MTPN: variants seen among roughly 807,000 people sequenced by gnomAD.
The protein encoded by MTPN is myotrophin.
Under a neutral mutation model 13.5 loss-of-function variants are expected in MTPN, and 2 were observed. The observed-to-expected ratio is 0.15, with a 90% confidence interval of 0.06 to 0.47. The LOEUF is 0.47. MTPN is among the 20% of genes least tolerant of loss of function. The pLI is 0.97. For synonymous variants in MTPN, 46 were observed against 51.7 expected (o/e 0.89, Z 0.48); for missense variants, 79 against 137.9 (o/e 0.57, Z 2.14).
chr7:135,954,679 A>C lies in MTPN; in HGVS notation c.73-3049T>G, dbSNP rs201687301. Reference sequence around the variant, plus strand: ...CCTTCAGGGCTGGGCACGGTGGCTCACGCCTGTAATCCTAGCACTTTGGGA... The same window carrying C: ...CCTTCAGGGCTGGGCACGGTGGCTCCCGCCTGTAATCCTAGCACTTTGGGA... On this transcript the variant is annotated intron_variant, in intron 1 of 3. Transcript: ENST00000393085. Among the ~76,000 whole-genome samples the C allele has an allele frequency of 1.6e-4, 25 of 152,334 alleles. No individual in the cohort carries two copies. The East Asian group carries it at 4.4e-3, about 27-fold the overall frequency.
At chr7:135,958,730 C>G (rs1799480494) in intron 1 of MTPN, among the ~76,000 whole-genome samples, 1 of 152,138 alleles carries the variant, frequency 6.6e-6, no homozygotes, top group South Asian at 2.1e-4. Flanking sequence ...TAATTATTTT[C>G]ATTGATTTGC....
In MTPN at chr7:135,977,205, G is replaced by C. The variant is rs1020170259; in HGVS notation, c.-105C>G. On this transcript the variant is annotated 5_prime_UTR_variant, in exon 1 of 4. Coordinates refer to ENST00000393085, the MANE Select transcript of MTPN (RefSeq NM_145808.4). Reference sequence around the variant, plus strand: ...AGGGAGGCAGGGCCGCGCGAAGCCGGAGAGGAGAAGAAGAGAAGGAGGGTT... The same window carrying C: ...AGGGAGGCAGGGCCGCGCGAAGCCGCAGAGGAGAAGAAGAGAAGGAGGGTT... 1 of 1,166,162 alleles carries C rather than the reference G, an allele frequency of 8.6e-7. No homozygotes were observed. Among genetic ancestry groups the C allele is most frequent in the Non-Finnish European group, 1.3e-6 (1 of 782,802 alleles). The allele number at this position is 1,166,162 out of a possible 1,614,324, so 72.2% of individuals were successfully genotyped here.
At chr7:135,955,532 T>TTCCC (rs1411374833) in intron 1 of MTPN, among the ~76,000 whole-genome samples, 2 of 152,216 alleles carry the variant, frequency 1.3e-5, no homozygotes, top group Non-Finnish European at 2.9e-5. Flanking sequence ...CTACCCACTC[T>TTCCC]TCCCGAAAAT....
intron 3 of MTPN, among the ~76,000 whole-genome samples, chr7:135,938,501 T>C (rs974121498): frequency 6.6e-6 from 1 of 152,226 alleles, no homozygotes; most frequent in Non-Finnish European, 1.5e-5. Flanking sequence ...CAGACACTTA[T>C]CAGGTCAGGA....
intron 3 of MTPN, among the ~76,000 whole-genome samples, chr7:135,935,834 C>T (rs1213489613): frequency 1.3e-5 from 2 of 151,902 alleles, no homozygotes; most frequent in South Asian, 2.1e-4. Context: ...GTTGCTTCTG[C>T]TTGGGATGGT....
At chr7:135,935,332 G>C (rs1398649744) in intron 3 of MTPN, among the ~76,000 whole-genome samples, 9 of 151,740 alleles carry the variant, frequency 5.9e-5, no homozygotes, top group African/African-American at 2.2e-4. Context: ...TCCGCCTCTT[G>C]GGTTCAAGCA....
chr7:135,932,223 T>C (rs936579627), intron 3 of MTPN: 8 of 152,150 alleles, frequency 5.3e-5, no homozygotes, highest in Non-Finnish European at 1.2e-4. Context: ...TGAATCCTGA[T>C]TGAAGAGATC....
chr7:135,968,793 A>G (rs1026871476), intron 1 of MTPN, among the ~76,000 whole-genome samples: 1 of 151,898 alleles, frequency 6.6e-6, no homozygotes, highest in Non-Finnish European at 1.5e-5. Flanking sequence ...GGTTCAAATC[A>G]TCCTAATATT....
Position 135,927,666 on chromosome 7 carries a change from G to A in MTPN, c.*2260C>T, listed in dbSNP as rs1459181533. 1.7e-6 allele frequency: 1 copy of A among 595,882 alleles called. No individual in the cohort carries two copies. The highest frequency in any genetic ancestry group is 3.2e-6 in the Non-Finnish European group (1 of 311,016). The allele number at this position is 595,882 out of a possible 1,614,324, so 36.9% of individuals were successfully genotyped here. On this transcript the variant is annotated 3_prime_UTR_variant, in exon 4 of 4. Coordinates refer to ENST00000393085, the MANE Select transcript of MTPN (RefSeq NM_145808.4). ...AATAACCTAGTTAAAAAAAGAAACT[G>A]TGAACCATCTTGGTCAGTCTATTCT...
chr7:135,941,271 T>C lies in MTPN; in HGVS notation c.270+9328A>G, dbSNP rs528257939. On this transcript the variant is annotated intron_variant, in intron 3 of 3. Coordinates refer to ENST00000393085, the MANE Select transcript of MTPN (RefSeq NM_145808.4). The stretch of plus-strand genomic sequence containing the variant: ...TATGAATACTATTAAACCCACTGAG[T>C]TCAGATGTCAAGTGATTTACTAGCT... Among the ~76,000 whole-genome samples, 3 of 146,088 alleles carry C rather than the reference T, an allele frequency of 2.1e-5. 1 individual carries two copies. Among genetic ancestry groups the C allele is most frequent in the African/African-American group, 7.4e-5 (3 of 40,366 alleles).
chr7:135,960,885 A>G (rs1430119282), intron 1 of MTPN: 2 of 151,970 alleles, frequency 1.3e-5, no homozygotes, highest in East Asian at 1.9e-4. Context: ...AATGGAATCC[A>G]AAAGACATGG....
At chr7:135,944,736 C>T (rs1799264657) in intron 3 of MTPN, among the ~76,000 whole-genome samples, 2 of 152,170 alleles carry the variant, frequency 1.3e-5, no homozygotes, top group African/African-American at 4.8e-5. Context: ...ATTTCTCTTA[C>T]AGAATTGTCA....
intron 3 of MTPN, among the ~76,000 whole-genome samples, chr7:135,941,504 A>G (rs1402109337): frequency 6.9e-6 from 1 of 144,944 alleles, no homozygotes; most frequent in Non-Finnish European, 1.5e-5. Context: ...TAAAATGTCA[A>G]TTAAAATCTA....
intron 3 of MTPN, among the ~76,000 whole-genome samples, chr7:135,937,249 T>C (rs946866561): frequency 1.1e-4 from 16 of 152,138 alleles, no homozygotes; most frequent in African/African-American, 3.9e-4. Context: ...ATAGTTATAC[T>C]GATAAATTGA....
chr7:135,965,616 G>T (rs199614554), intron 1 of MTPN, among the ~76,000 whole-genome samples: 1 of 152,052 alleles, frequency 6.6e-6, no homozygotes, highest in Admixed American at 6.6e-5. Flanking sequence ...TAGTGAGACT[G>T]TATAGTGTTA....
rs1798984407 is a variant in MTPN, at chr7:135,929,700, A to G, written c.*226T>C. ...ATTTTATTAGAAAGGGAAGAGGCTT[A>G]CTTGATCAGGAATCCCAGTAAAAGC... On this transcript the variant is annotated 3_prime_UTR_variant, in exon 4 of 4. Transcript: ENST00000393085. The G allele has an allele frequency of 3.6e-6, 2 of 561,774 alleles. No individual in the cohort carries two copies. Among genetic ancestry groups the G allele is most frequent in the Non-Finnish European group, 6.6e-6 (2 of 303,834 alleles). The allele number at this position is 561,774 out of a possible 1,614,324, so 34.8% of individuals were successfully genotyped here.
intron 1 of MTPN, among the ~76,000 whole-genome samples, chr7:135,954,060 G>C (rs1230885237): frequency 6.6e-6 from 1 of 152,154 alleles, no homozygotes. Context: ...CTACCACTTA[G>C]TTGTGGGACC....
intron 1 of MTPN, among the ~76,000 whole-genome samples, chr7:135,973,311 T>C (rs1799723252): frequency 2.0e-5 from 3 of 149,266 alleles, no homozygotes; most frequent in Admixed American, 6.6e-5. Context: ...AAGCAGCAAC[T>C]GATCTAAAGT....
At chr7:135,945,769 A>G (rs1015256539) in intron 3 of MTPN, among the ~76,000 whole-genome samples, 2 of 152,208 alleles carry the variant, frequency 1.3e-5, no homozygotes, top group Admixed American at 1.3e-4. Context: ...ATAGTATAGT[A>G]AATACATAAA....
Sources: allele counts gnomAD v4.1 joint callset (sites outside exome capture counted in the v4.1 genomes callset), GRCh38; gene constraint gnomAD v4.1.1; transcripts MANE v1.5; gene names NCBI Gene and HGNC (gene_info 2026-07-23, HGNC 2026-07-21).